The following SEMA4D variants were observed in gnomAD, a reference collection of about 807,000 sequenced individuals.
SEMA4D encodes the protein semaphorin-4D.
A neutral mutation model predicts 74.8 loss-of-function variants in SEMA4D; 22 were observed. The ratio of observed to expected loss-of-function variants is 0.29; its 90% confidence interval spans 0.21 to 0.42. SEMA4D has a LOEUF of 0.42. Ranked by LOEUF, SEMA4D falls within the 10% of genes least tolerant of loss-of-function variation. The pLI, the probability that SEMA4D is intolerant of heterozygous loss-of-function variation, is 1.00. For missense variants in SEMA4D, 937 were observed against 1,118.4 expected (o/e 0.84, Z 2.31); for synonymous variants, 445 against 463.7 (o/e 0.96, Z 0.52).
At chr9:89,373,619 C>A (rs140312455), downstream of SEMA4D, among the ~76,000 whole-genome samples, 99 of 152,350 alleles carry the variant, frequency 6.5e-4, 1 homozygote, top group African/African-American at 2.1e-3. Flanking sequence ...ACTTTGCTAG[C>A]CCTTTAATCA....
At chr9:89,380,166 G>A (rs1036200949) in intron 15 of SEMA4D, among the ~76,000 whole-genome samples, 8 of 152,068 alleles carry the variant, frequency 5.3e-5, no homozygotes, top group South Asian at 2.1e-4. Flanking sequence ...CAGAGTAGCT[G>A]GGACTACAGG....
intron 2 of SEMA4D, among the ~76,000 whole-genome samples, chr9:89,431,410 T>C (rs1394039283): frequency 6.6e-6 from 1 of 152,240 alleles, no homozygotes; most frequent in East Asian, 1.9e-4. Context: ...ACTTTCAATG[T>C]CTTCTTTGAA....
At chr9:89,366,484 T>C (rs1307620336) in intron 16 of SEMA4D, among the ~76,000 whole-genome samples, 1 of 152,258 alleles carries the variant, frequency 6.6e-6, no homozygotes, top group African/African-American at 2.4e-5. Context: ...GGACAAGCCC[T>C]TGTGAACAGG....
chr9:89,370,036 G>A (rs1213529566), intron 16 of SEMA4D, among the ~76,000 whole-genome samples: 3 of 151,050 alleles, frequency 2.0e-5, no homozygotes, highest in African/African-American at 7.3e-5. Flanking sequence ...TGTATGCTGT[G>A]CTGTGTGTGG....
rs1488613644 is a variant in SEMA4D at position 89,392,412 on chromosome 9, C to T, written c.622+11G>A. The T allele has an allele frequency of 1.3e-6, 2 of 1,580,406 alleles. No homozygotes were observed. The highest frequency in any genetic ancestry group is 1.7e-6 in the Non-Finnish European group (2 of 1,149,654). On this transcript the variant is annotated intron_variant, in intron 8 of 15. Coordinates refer to ENST00000422704, the MANE Select transcript of SEMA4D (RefSeq NM_001371194.2). ...ACGCACCTCCCACTAAGGTGCACTG[C>T]TCTTCCTTACCGTTCAGCCAAGGGA...
chr9:89,438,482 A>G (rs1055301236), intron 2 of SEMA4D, among the ~76,000 whole-genome samples: 6 of 152,230 alleles, frequency 3.9e-5, no homozygotes, highest in African/African-American at 1.4e-4. Flanking sequence ...GGGTCATGCA[A>G]TTAGATAAAA....
At chr9:89,390,600 G>A (rs922794709) in intron 9 of SEMA4D, among the ~76,000 whole-genome samples, 8 of 152,204 alleles carry the variant, frequency 5.3e-5, no homozygotes, top group African/African-American at 1.2e-4. Context: ...AAAGGGCCAC[G>A]CAAGAACTAT....
At chr9:89,389,082 A>G (rs779012196) in intron 9 of SEMA4D, 35 bp from the exon 10 acceptor site, 11 of 1,611,368 alleles carry the variant, frequency 6.8e-6, no homozygotes, top group Non-Finnish European at 5.1e-6. Context: ...GTGGGCCGAG[A>G]GTGGATCCCC....
Position 89,384,969 on chromosome 9 carries a change from G to A in SEMA4D, c.1446+1398C>T, listed in dbSNP as rs528625218. On this transcript the variant is annotated intron_variant, in intron 13 of 15. Transcript: ENST00000422704. ...CCGCTTGTCCAGGCAACTAAGCCAC[G>A]TCCCCACGAATGGAGGCTCCTACAG... is the stretch of plus-strand genomic sequence containing the variant. The A allele has an allele frequency of 1.7e-5, 17 of 985,424 alleles. No homozygotes were observed. In the South Asian group the frequency reaches 2.3e-4, roughly 14 times the overall value. 61.0% of individuals were successfully genotyped at this position (985,424 alleles called of 1,614,324 possible). A position where few individuals can be genotyped will look rare whatever the true frequency, so the allele number is the denominator to read the frequency against.
exon 19 of SEMA4D, chr9:89,362,085 C>CTGTT (rs1483552274): frequency 3.7e-6 from 2 of 534,294 alleles, no homozygotes; most frequent in Non-Finnish European, 6.8e-6. Flanking sequence ...ACACACCCTG[C>CTGTT]TGTTTTAGTT....
At chr9:89,435,222 G>C (rs1850140936) in intron 2 of SEMA4D, among the ~76,000 whole-genome samples, 1 of 152,314 alleles carries the variant, frequency 6.6e-6, no homozygotes, top group East Asian at 1.9e-4. Flanking sequence ...TTTTAAGAAT[G>C]CTGGTTGAGT....
chr9:89,449,741 G>GA (rs1853892434), intron 2 of SEMA4D: 1 of 1,521,556 alleles, frequency 6.6e-7, no homozygotes. Flanking sequence ...AAGAAACAGG[G>GA]AAAATCTTCA....
At chr9:89,388,815 G>C (rs757700459) in intron 10 of SEMA4D, 23 bp from the exon 11 acceptor site, 1 of 1,605,384 alleles carries the variant, frequency 6.2e-7, no homozygotes, top group Non-Finnish European at 8.5e-7. Flanking sequence ...AAGAGGTGAC[G>C]GGACCACCTG....
chr9:89,396,804 T>A lies in SEMA4D; in HGVS notation c.347A>T (p.Gln116Leu), dbSNP rs2133382915. ...TECLNYIRVL[Q>L]PLSATSLYVC... ...GTAAAGGGAAGTGGCGCTGAGTGGC[T>A]GCAGCACCCGGATGTAGTTGAGGCA... The change falls in exon 6 of 16, where the codon CAG becomes CTG. Residue 116 changes from glutamine to leucine, a missense_variant. Gln to Leu is a moderately radical substitution (Grantham distance 113, BLOSUM62 -2). Coordinates refer to ENST00000422704, the MANE Select transcript of SEMA4D (RefSeq NM_001371194.2). 6.2e-7 allele frequency: 1 copy of A among 1,613,990 alleles called. No homozygotes were observed. Among genetic ancestry groups the A allele is most frequent in the East Asian group, 2.2e-5 (1 of 44,886 alleles).
chr9:89,449,439 G>A (rs543698088), intron 2 of SEMA4D: 101 of 604,620 alleles, frequency 1.7e-4, no homozygotes, highest in South Asian at 2.7e-4. Context: ...GACTAAGTTC[G>A]CGGCTTTCGC....
At chr9:89,447,205 C>T (rs1280508076) in intron 2 of SEMA4D, among the ~76,000 whole-genome samples, 1 of 152,082 alleles carries the variant, frequency 6.6e-6, no homozygotes, top group Non-Finnish European at 1.5e-5. Flanking sequence ...CATGTCTCTA[C>T]CTGACAGCAA....
At chr9:89,470,443 T>C (rs66512011) in intron 1 of SEMA4D, among the ~76,000 whole-genome samples, 19,692 of 152,264 alleles carry the variant, frequency 0.13, 1,351 homozygotes, top group Middle Eastern at 0.22. Flanking sequence ...ACATTATATA[T>C]ACATTAGAAT....
chr9:89,429,872 T>G (rs1848888751), intron 2 of SEMA4D, among the ~76,000 whole-genome samples: 3 of 152,090 alleles, frequency 2.0e-5, no homozygotes, highest in African/African-American at 7.2e-5. Flanking sequence ...GAGTGGCCAG[T>G]TACGTGCTCA....
At chr9:89,421,483 C>T (rs1157830082) in intron 2 of SEMA4D, among the ~76,000 whole-genome samples, 1 of 152,230 alleles carries the variant, frequency 6.6e-6, no homozygotes, top group Non-Finnish European at 1.5e-5. Flanking sequence ...CAACAGTCCT[C>T]TACCAAGAAT....
Sources: gnomAD v4.1 joint callset for allele counts (sites outside exome capture counted in the v4.1 genomes callset) on GRCh38, gnomAD v4.1.1 for gene constraint, MANE v1.5 for transcripts, NCBI Gene and HGNC (gene_info 2026-07-23, HGNC 2026-07-21) for gene names.